PRKDC: variants seen among roughly 807,000 people sequenced by gnomAD.
PRKDC encodes DNA-dependent protein kinase catalytic subunit.
Under a neutral mutation model 486.9 loss-of-function variants are expected in PRKDC, and 82 were observed. The observed-to-expected ratio is 0.17, with a 90% confidence interval of 0.14 to 0.20. The LOEUF (loss-of-function observed/expected upper bound fraction) is 0.20, where lower values mean the gene tolerates loss of function less well. PRKDC is among the 10% of genes least tolerant of loss of function. The pLI is 1.00. For synonymous variants in PRKDC, 1,895 were observed against 1,837.0 expected (o/e 1.03, Z -0.81); for missense variants, 4,504 against 5,038.2 (o/e 0.89, Z 3.21).
chr8:47,953,879 T>G lies in PRKDC; in HGVS notation c.549A>C (p.Glu183Asp). The change falls in exon 6 of 86, where the codon GAA becomes GAC. Residue 183 changes from glutamate (E) to aspartate (D), a missense_variant. Glu to Asp is a conservative substitution (Grantham distance 45). Around this residue, in one of 6 missense-constraint regions of PRKDC, gnomAD observed 1,969 missense variants for 2,068.9 expected, o/e 0.95. Transcript: ENST00000314191. ...KVYELLGLLG[E>D]VHPSEMINNA... ...TATTTATCATCTCACTAGGATGAAC[T>G]TCACCCAATAATCCTAGGAGCTCAT... The G allele has an allele frequency of 6.4e-7, 1 of 1,563,762 alleles. No homozygotes were observed. The highest frequency in any genetic ancestry group is 2.3e-5 in the East Asian group (1 of 43,100).
chr8:47,816,837 T>C (rs79370108), intron 68 of PRKDC, among the ~76,000 whole-genome samples: 1 of 150,206 alleles, frequency 6.7e-6, no homozygotes, highest in Admixed American at 6.6e-5. Context: ...AAAAAAAAAG[T>C]AGTAGTGGAG....
chr8:47,932,055 TC>T (rs1179571682), intron 16 of PRKDC, among the ~76,000 whole-genome samples: 1 of 150,834 alleles, frequency 6.6e-6, no homozygotes, highest in Non-Finnish European at 1.5e-5. Flanking sequence ...CACGCCCGGC[TC>T]ATTTTTTTTG....
chr8:47,930,945 A>G (rs2090240834), intron 16 of PRKDC, among the ~76,000 whole-genome samples, 158 bp from the exon 17 acceptor site: 1 of 152,214 alleles, frequency 6.6e-6, no homozygotes, highest in Non-Finnish European at 1.5e-5. Flanking sequence ...CTATGGTCTG[A>G]TAAGAAGGGC....
At position 47,828,312 on chromosome 8, in the gene PRKDC, G is replaced by T; in HGVS notation, c.8433C>A (p.Ser2811Arg). 1 of 1,600,010 alleles carries T rather than the reference G, an allele frequency of 6.2e-7. No individual in the cohort carries two copies. Among genetic ancestry groups the T allele is most frequent in the Non-Finnish European group, 8.5e-7 (1 of 1,173,006 alleles). ...TCTCTTTCAAAATTCCAGAAAACAA[G>T]CTGCTAAAGAGCTGTTTTGCAATTA... ...DPIIAKQLFS[S>R]LFSGILKEMD... The change falls in exon 62 of 86, where the codon AGC (serine) becomes AGA (arginine). Residue 2811 changes from serine (S) to arginine (R), a missense_variant. By Grantham distance (110) the Ser-to-Arg change is moderately radical. Coordinates refer to ENST00000314191, the MANE Select transcript of PRKDC (RefSeq NM_006904.7).
At chr8:47,785,922 T>C (rs762168864) in intron 76 of PRKDC, among the ~76,000 whole-genome samples, 37 of 151,524 alleles carry the variant, frequency 2.4e-4, no homozygotes, top group Non-Finnish European at 3.5e-4. Context: ...CTGGCCAACA[T>C]TGTGAAACCC....
chr8:47,945,214 C>T (rs2090512301), intron 7 of PRKDC, among the ~76,000 whole-genome samples: 1 of 152,192 alleles, frequency 6.6e-6, no homozygotes, highest in Admixed American at 6.5e-5. Flanking sequence ...GTGGCCCACT[C>T]CCTGTAGAAG....
chr8:47,830,733 T>A lies in PRKDC; in HGVS notation c.8269A>T (p.Ile2757Phe). The A allele has an allele frequency of 6.2e-7, 1 of 1,613,910 alleles. No individual in the cohort carries two copies. The highest frequency in any genetic ancestry group is 8.5e-7 in the Non-Finnish European group (1 of 1,179,884). ...TGCTTCATTTTTAACTCACTCTTGA[T>A]TTCCTATAAGCACCAGAACCAAAGA... ...GVAEQKREKE[I>F]KSELKMKQDA... is the part of the protein sequence containing the mutation. The change falls in exon 61 of 86, where the codon ATC (isoleucine) becomes TTC (phenylalanine). Residue 2757 changes from isoleucine (I) to phenylalanine (F), a missense_variant. By Grantham distance (21) the Ile-to-Phe change is conservative. Transcript: ENST00000314191.
At chr8:47,813,958 G>T (rs971645793) in intron 68 of PRKDC, among the ~76,000 whole-genome samples, 8 of 152,092 alleles carry the variant, frequency 5.3e-5, no homozygotes, top group Non-Finnish European at 7.4e-5. Context: ...ACCTGATGAA[G>T]ATATTACAAA....
At chr8:47,843,589 T>C (rs534673105) in intron 54 of PRKDC, among the ~76,000 whole-genome samples, 6 of 152,084 alleles carry the variant, frequency 3.9e-5, no homozygotes, top group Non-Finnish European at 4.4e-5. Context: ...CCAAGACACA[T>C]AGTTATCAGA....
At position 47,914,023 on chromosome 8, in the gene PRKDC, C is replaced by T. The variant is rs2089950008; in HGVS notation, c.2659G>A (p.Asp887Asn). 1 of 1,591,074 alleles carries T rather than the reference C, an allele frequency of 6.3e-7. No individual in the cohort carries two copies. The highest frequency in any genetic ancestry group is 8.6e-7 in the Non-Finnish European group (1 of 1,169,122). Residue 887 changes from aspartate (D) to asparagine (N), a missense_variant, in exon 24 of 86, where the codon GAC becomes AAC. By Grantham distance (23) the Asp-to-Asn change is conservative (BLOSUM62 1). Around this residue, in one of 6 missense-constraint regions of PRKDC, gnomAD observed 1,969 missense variants for 2,068.9 expected, o/e 0.95. Coordinates refer to ENST00000314191, the MANE Select transcript of PRKDC (RefSeq NM_006904.7). The part of the protein sequence containing the change: ...DEMMKSYVAW[D>N]REKRLSFAVP... Reference sequence around the variant, plus strand: ...GCAAAGCTCAGCCGCTTCTCTCTGTCCCAGGCCACATAGCTCTTCATCATC... The same window carrying T: ...GCAAAGCTCAGCCGCTTCTCTCTGTTCCAGGCCACATAGCTCTTCATCATC...
At chr8:47,813,521 T>C (rs1183321618) in intron 68 of PRKDC, among the ~76,000 whole-genome samples, 2 of 152,172 alleles carry the variant, frequency 1.3e-5, no homozygotes, top group Non-Finnish European at 2.9e-5. Flanking sequence ...AGGATAGGTT[T>C]CACTGGTAAA....
At chr8:47,935,507 A>C (rs1466607717) in intron 13 of PRKDC, among the ~76,000 whole-genome samples, 3 of 152,034 alleles carry the variant, frequency 2.0e-5, no homozygotes, top group Non-Finnish European at 4.4e-5. Flanking sequence ...TCACCAAAAA[A>C]AATGAAAAAA....
chr8:47,933,537 T>C (rs2090294237), intron 15 of PRKDC, among the ~76,000 whole-genome samples: 1 of 152,254 alleles, frequency 6.6e-6, no homozygotes, highest in African/African-American at 2.4e-5. Context: ...CTATATCTTT[T>C]ATGTCTGTGT....
At chr8:47,934,886 G>A (rs1342068917) in intron 14 of PRKDC, 123 bp downstream of exon 14, 2 of 647,930 alleles carry the variant, frequency 3.1e-6, no homozygotes, top group Non-Finnish European at 5.3e-6. Flanking sequence ...CAAAATGTAA[G>A]GCATTGCTAA....
chr8:47,837,107 AATGTGT>A (rs1192047387), intron 57 of PRKDC, 99 bp downstream of exon 57: 1 of 1,222,118 alleles, frequency 8.2e-7, no homozygotes, highest in Admixed American at 2.4e-5. Flanking sequence ...TTCAGAAAGG[AATGTGT>A]ATTCTGAGAA....
intron 30 of PRKDC, among the ~76,000 whole-genome samples, chr8:47,894,037 T>C (rs1307540404): frequency 6.6e-6 from 1 of 151,990 alleles, no homozygotes; most frequent in Non-Finnish European, 1.5e-5. Context: ...TCCCAGCACT[T>C]TGGGGGGCTG....
At position 47,826,678 on chromosome 8, in the gene PRKDC, G is replaced by A; in HGVS notation, c.8761C>T (p.Leu2921Phe). Residue 2921 changes from leucine to phenylalanine, a missense_variant, in exon 63 of 86, where the codon CTC becomes TTC. Transcript: ENST00000314191. ...RGKARLPPDV[L>F]RWVELAKLYR... is the part of the protein sequence containing the mutation. Reference sequence around the variant, plus strand: ...TACTTAGCAAGCTCCACCCATCTGAGGACATCAGGAGGGAGGCGGGCCTTC... The same window carrying A: ...TACTTAGCAAGCTCCACCCATCTGAAGACATCAGGAGGGAGGCGGGCCTTC... 1.2e-6 allele frequency: 2 copies of A among 1,612,490 alleles called. No individual in the cohort carries two copies. The highest frequency in any genetic ancestry group is 2.2e-5 in the East Asian group (1 of 44,868).
At chr8:47,818,802 G>A (rs1485242183) in intron 67 of PRKDC, among the ~76,000 whole-genome samples, 5 of 152,038 alleles carry the variant, frequency 3.3e-5, no homozygotes, top group African/African-American at 7.2e-5. Context: ...TAATTATTTA[G>A]GACAAAAATG....
intron 40 of PRKDC, among the ~76,000 whole-genome samples, chr8:47,873,523 G>A (rs761036103): frequency 1.3e-5 from 2 of 152,162 alleles, no homozygotes; most frequent in Non-Finnish European, 2.9e-5. Flanking sequence ...CAGCCTGGGT[G>A]AAGAAAGGAA....
Sources: gnomAD v4.1 joint callset for allele counts (sites outside exome capture counted in the v4.1 genomes callset) on GRCh38, gnomAD v4.1.1 for gene constraint, gnomAD v4.1.1 regional missense constraint, MANE v1.5 for transcripts, NCBI Gene and HGNC (gene_info 2026-07-23, HGNC 2026-07-21) for gene names.